The following RABGAP1L variants were observed in gnomAD, a reference collection of about 807,000 sequenced individuals.
RABGAP1L encodes the protein rab GTPase-activating protein 1-like.
In RABGAP1L, 63 loss-of-function variants were observed where a neutral mutation model predicts 137.7. That is an observed-to-expected ratio of 0.46 (90% confidence interval 0.37 to 0.56). The LOEUF (loss-of-function observed/expected upper bound fraction) is 0.56. Among genes scored for constraint, RABGAP1L ranks in the 20% least tolerant of loss-of-function variants. The pLI is 0.00. For missense variants in RABGAP1L, 1,095 were observed against 1,244.0 expected (o/e 0.88, Z 1.80); for synonymous variants, 431 against 433.7 (o/e 0.99, Z 0.08).
intron 4 of RABGAP1L, among the ~76,000 whole-genome samples, chr1:174,231,985 A>G (rs1168086584): frequency 6.6e-6 from 1 of 152,218 alleles, no homozygotes; most frequent in Non-Finnish European, 1.5e-5. Flanking sequence ...CGCTTAGAAT[A>G]TTATAAATAG....
intron 19 of RABGAP1L, among the ~76,000 whole-genome samples, chr1:174,850,595 C>T (rs144467964): frequency 2.6e-5 from 4 of 152,268 alleles, no homozygotes; most frequent in South Asian, 2.1e-4. Flanking sequence ...GTTTACCTTA[C>T]GTTTTCAGTA....
intron 19 of RABGAP1L, among the ~76,000 whole-genome samples, chr1:174,927,456 C>G (rs774276693): frequency 3.3e-5 from 5 of 152,150 alleles, no homozygotes; most frequent in Admixed American, 6.5e-5. Flanking sequence ...TCTCGAACTC[C>G]TGAGCTCATG....
At chr1:174,818,680 A>C (rs1690691636) in intron 19 of RABGAP1L, among the ~76,000 whole-genome samples, 1 of 152,000 alleles carries the variant, frequency 6.6e-6, no homozygotes, top group Non-Finnish European at 1.5e-5. Flanking sequence ...GTTTGAGAGC[A>C]GCCTGGGCAA....
chr1:174,207,585 T>C (rs1052097635), intron 1 of RABGAP1L, among the ~76,000 whole-genome samples: 2 of 152,212 alleles, frequency 1.3e-5, no homozygotes, highest in African/African-American at 4.8e-5. Flanking sequence ...TCCAACTTCC[T>C]ACCTGATGCT....
chr1:174,790,769 G>A (rs1011310401), intron 18 of RABGAP1L, among the ~76,000 whole-genome samples: 3 of 150,546 alleles, frequency 2.0e-5, no homozygotes, highest in Non-Finnish European at 3.0e-5. Context: ...AGCCATGAGT[G>A]TGTGTGTGTG....
intron 17 of RABGAP1L, among the ~76,000 whole-genome samples, chr1:174,750,484 A>G (rs1359945290): frequency 6.6e-6 from 1 of 152,216 alleles, no homozygotes; most frequent in African/African-American, 2.4e-5. Flanking sequence ...CTAAGAAATG[A>G]GAATCATTGT....
intron 17 of RABGAP1L, among the ~76,000 whole-genome samples, chr1:174,750,326 C>T (rs186721215): frequency 1.0e-3 from 154 of 150,752 alleles, no homozygotes; most frequent in African/African-American, 3.7e-3. Flanking sequence ...TATAATGAGG[C>T]ATGCCTGATT....
intron 13 of RABGAP1L, among the ~76,000 whole-genome samples, chr1:174,615,808 G>C (rs1395886899): frequency 1.3e-5 from 2 of 152,224 alleles, no homozygotes; most frequent in Non-Finnish European, 2.9e-5. Flanking sequence ...CAGCCTCGCT[G>C]CCGCCTTGCA....
intron 14 of RABGAP1L, among the ~76,000 whole-genome samples, chr1:174,656,895 A>G (rs148902338): frequency 6.6e-6 from 1 of 152,262 alleles, no homozygotes; most frequent in Non-Finnish European, 1.5e-5. Flanking sequence ...TCAACCATTC[A>G]TTTGAAAACT....
chr1:174,184,929 C>G (rs1028341787), intron 1 of RABGAP1L, among the ~76,000 whole-genome samples: 5 of 152,092 alleles, frequency 3.3e-5, no homozygotes, highest in African/African-American at 1.2e-4. Context: ...TGTATGCTAG[C>G]GATGTCTACT....
At chr1:174,635,023 T>A (rs1430125639) in intron 13 of RABGAP1L, among the ~76,000 whole-genome samples, 3 of 146,366 alleles carry the variant, frequency 2.0e-5, no homozygotes, top group Non-Finnish European at 4.5e-5. Flanking sequence ...CCCTAAAACT[T>A]AAAGTATAAT....
chr1:174,420,447 T>G (rs10489258), intron 13 of RABGAP1L, among the ~76,000 whole-genome samples: 1 of 151,946 alleles, frequency 6.6e-6, no homozygotes, highest in Non-Finnish European at 1.5e-5. Flanking sequence ...ATATGAATCT[T>G]GAACATACAA....
At chr1:174,423,919 GAAAA>G (rs1175711124) in intron 13 of RABGAP1L, among the ~76,000 whole-genome samples, 2 of 151,778 alleles carry the variant, frequency 1.3e-5, no homozygotes, top group Non-Finnish European at 2.9e-5. Context: ...TAGAAACAGA[GAAAA>G]AAAATATTTT....
chr1:174,808,619 G>GT lies in RABGAP1L; in HGVS notation c.2212-3206dup, dbSNP rs1209063667. On this transcript the variant is annotated intron_variant, in intron 18 of 25. Coordinates refer to ENST00000681986, the MANE Select transcript of RABGAP1L (RefSeq NM_001366446.1). The stretch of plus-strand genomic sequence containing the variant: ...TAAATTATTTCATTCTCAAATACTT[G>GT]TTTTTTTGGTGTGTGTGTGTGTTGG... Among the ~76,000 whole-genome samples the GT allele has an allele frequency of 6.0e-5, 9 of 150,340 alleles. 1 individual carries two copies. Among genetic ancestry groups the GT allele is most frequent in the Admixed American group, 6.0e-4 (9 of 15,116 alleles).
chr1:174,458,715 T>A (rs1656321929), intron 13 of RABGAP1L, among the ~76,000 whole-genome samples: 1 of 152,150 alleles, frequency 6.6e-6, no homozygotes, highest in Admixed American at 6.5e-5. Context: ...TTTATTTAAC[T>A]ACTAATATAA....
intron 1 of RABGAP1L, among the ~76,000 whole-genome samples, chr1:174,213,077 T>C (rs1417908650): frequency 1.3e-5 from 2 of 152,202 alleles, no homozygotes; most frequent in African/African-American, 4.8e-5. Context: ...GCCTGGGACC[T>C]GATGGCTTCA....
At chr1:174,258,788 TG>T (rs1412461777) in intron 7 of RABGAP1L, among the ~76,000 whole-genome samples, 3 of 152,108 alleles carry the variant, frequency 2.0e-5, no homozygotes, top group Non-Finnish European at 4.4e-5. Context: ...TTTTTTTGTT[TG>T]TTTTTGGTGA....
chr1:174,804,726 A>C (rs1457081417), intron 18 of RABGAP1L, among the ~76,000 whole-genome samples: 1 of 152,172 alleles, frequency 6.6e-6, no homozygotes, highest in East Asian at 1.9e-4. Flanking sequence ...TCCACAGTGA[A>C]TCGAAGGAGG....
At chr1:174,306,493 A>G (rs2148776932) in intron 11 of RABGAP1L, among the ~76,000 whole-genome samples, 1 of 152,188 alleles carries the variant, frequency 6.6e-6, no homozygotes, top group Non-Finnish European at 1.5e-5. Context: ...TGTGGTTTTG[A>G]TTTGCATTTC....
Sources: gnomAD v4.1 joint callset for allele counts (sites outside exome capture counted in the v4.1 genomes callset) on GRCh38, gnomAD v4.1.1 for gene constraint, MANE v1.5 for transcripts, NCBI Gene and HGNC (gene_info 2026-07-23, HGNC 2026-07-21) for gene names.